The following CDC45 variants were observed in gnomAD, a reference collection of about 807,000 sequenced individuals.
The protein encoded by CDC45 is cell division cycle 45.
A neutral mutation model predicts 77.8 loss-of-function variants in CDC45; 54 were observed. The observed-to-expected ratio is 0.69, with a 90% CI of 0.56 to 0.87. The LOEUF (loss-of-function observed/expected upper bound fraction) is 0.87. Among genes scored for constraint, CDC45 ranks in the 40% least tolerant of loss-of-function variants. The pLI is 0.00. For missense variants in CDC45, 649 were observed against 721.6 expected (o/e 0.90, Z 1.15); for synonymous variants, 260 against 272.1 (o/e 0.96, Z 0.44).
chr22:19,497,286 GT>G, intron 7 of CDC45, 99 bp from the exon 8 acceptor site: 1 of 1,061,316 alleles, frequency 9.4e-7, no homozygotes. Flanking sequence ...ATCCGCAGGG[GT>G]TTGCCAGGGC....
chr22:19,494,018 C>T (rs901962642), intron 5 of CDC45, among the ~76,000 whole-genome samples: 1 of 152,162 alleles, frequency 6.6e-6, no homozygotes, highest in Non-Finnish European at 1.5e-5. Flanking sequence ...ACCTTGGATC[C>T]CATAGTGCTG....
At chr22:19,496,453 C>G (rs2146373861) in intron 7 of CDC45, among the ~76,000 whole-genome samples, 1 of 152,302 alleles carries the variant, frequency 6.6e-6, no homozygotes. Context: ...GAGCAGAGCT[C>G]AAGGCCTTAA....
chr22:19,515,074 G>C, intron 15 of CDC45, 26 bp downstream of exon 15: 1 of 1,568,712 alleles, frequency 6.4e-7, no homozygotes, highest in Non-Finnish European at 8.7e-7. Context: ...GGTGCTGTGG[G>C]TACAGGAGGG....
At chr22:19,511,569 G>A (rs1232753718) in intron 13 of CDC45, among the ~76,000 whole-genome samples, 1 of 151,998 alleles carries the variant, frequency 6.6e-6, no homozygotes, top group East Asian at 1.9e-4. Context: ...GGCTCAAGCA[G>A]TCTTCCAGCC....
chr22:19,484,699 C>T lies in CDC45; in HGVS notation c.486+694C>T, dbSNP rs553766804. On this transcript the variant is annotated intron_variant, in intron 5 of 18. Transcript: ENST00000263201. ...CCTTCATCCTCAGCCTGACATTTCC[C>T]GGTAATGTGCTTTTGGGAAGCCTTT... 1.4e-4 allele frequency among the ~76,000 whole-genome samples: 21 copies of T among 152,258 alleles called. No homozygotes were observed. In the South Asian group the frequency reaches 3.3e-3, roughly 24 times the overall value.
chr22:19,497,470 G>C, intron 8 of CDC45, 23 bp downstream of exon 8: 1 of 1,607,818 alleles, frequency 6.2e-7, no homozygotes, highest in African/African-American at 1.3e-5. Flanking sequence ...TGCGGCAGCT[G>C]TGTGGGAGTA....
chr22:19,490,866 C>T (rs2090143957), intron 5 of CDC45, among the ~76,000 whole-genome samples: 1 of 146,460 alleles, frequency 6.8e-6, no homozygotes, highest in Admixed American at 6.9e-5. Flanking sequence ...CTCACTCTGT[C>T]ACCTAGGCTG....
chr22:19,508,109 G>T (rs1026562911), intron 12 of CDC45, among the ~76,000 whole-genome samples: 1 of 152,022 alleles, frequency 6.6e-6, no homozygotes, highest in African/African-American at 2.4e-5. Flanking sequence ...TAGGATCCTA[G>T]GATCCTTGGA....
rs758094694 is a variant in CDC45 at position 19,483,963 on chromosome 22, T to G, written c.444T>G (p.Ser148Arg). Residue 148 changes from serine (S) to arginine (R), a missense_variant, in exon 5 of 19, where the codon AGT becomes AGG. Physicochemically the swap from Ser to Arg is moderately radical, Grantham distance 110. Transcript: ENST00000263201. ...EEDEEHSGNDSDGSEPSEKRT... is the reference protein window; with the variant it reads ...EEDEEHSGNDRDGSEPSEKRT... ...ATGAAGAGCATTCAGGAAATGACAG[T>G]GATGGGTCAGAGCCTTCTGAGAAGC... 1 of 1,613,558 alleles carries G rather than the reference T, an allele frequency of 6.2e-7. No individual in the cohort carries two copies. The highest frequency in any genetic ancestry group is 1.3e-5 in the African/African-American group (1 of 74,850).
rs368447499 is a variant in CDC45 at position 19,505,401 on chromosome 22, C to T, written c.744C>T (p.His248=). ...CTGATGTTGGTGTCCTGCAGCGCCACGTTTCCCGCCACAACCACCGGAACG... is the reference window on the plus strand; with the variant it reads ...CTGATGTTGGTGTCCTGCAGCGCCATGTTTCCCGCCACAACCACCGGAACG... ...YVTDVGVLQR[H]VSRHNHRNED... The change falls in exon 10 of 19, where the codon CAC becomes CAT. Residue 248 remains histidine, a synonymous_variant. Transcript: ENST00000263201. 9 of 1,613,844 alleles carry T rather than the reference C, an allele frequency of 5.6e-6. No homozygotes were observed. Among genetic ancestry groups the T allele is most frequent in the Middle Eastern group, 3.3e-4 (2 of 6,044 alleles).
intron 4 of CDC45, 62 bp downstream of exon 4, chr22:19,482,889 C>T (rs1237148509): frequency 1.1e-5 from 17 of 1,501,962 alleles, no homozygotes; most frequent in Non-Finnish European, 1.6e-5. Flanking sequence ...AATGTCTCAC[C>T]TGGTGTTCTT....
At chr22:19,481,096 T>C in intron 3 of CDC45, 51 bp downstream of exon 3, 1 of 1,132,394 alleles carries the variant, frequency 8.8e-7, no homozygotes, top group East Asian at 2.3e-5. Context: ...AATTGTAATT[T>C]CTTGACACAG....
chr22:19,504,410 C>T (rs1327643262), intron 9 of CDC45, among the ~76,000 whole-genome samples: 3 of 152,220 alleles, frequency 2.0e-5, no homozygotes, highest in Non-Finnish European at 4.4e-5. Flanking sequence ...AGTGATTCTC[C>T]TGCCTCACCC....
intron 10 of CDC45, 48 bp downstream of exon 10, chr22:19,505,529 G>A (rs769757964): frequency 3.1e-6 from 5 of 1,605,858 alleles, no homozygotes; most frequent in Non-Finnish European, 4.3e-6. Flanking sequence ...CCCCTGCTCA[G>A]CAGGCCTTGT....
intron 15 of CDC45, among the ~76,000 whole-genome samples, chr22:19,516,281 C>T (rs1181712171): frequency 1.3e-5 from 2 of 152,138 alleles, no homozygotes; most frequent in South Asian, 2.1e-4. Flanking sequence ...GACACAGCAT[C>T]ACAGCCACAG....
At chr22:19,497,228 C>T (rs2090258053) in intron 7 of CDC45, among the ~76,000 whole-genome samples, 158 bp from the exon 8 acceptor site, 1 of 152,250 alleles carries the variant, frequency 6.6e-6, no homozygotes, top group Non-Finnish European at 1.5e-5. Context: ...ACTCATCCCA[C>T]ATGTCGGGCT....
chr22:19,516,868 G>A lies in CDC45; in HGVS notation c.1611G>A (p.Met537Ile). ...CAGCGGAAAGCACCAGCTCCCGGAT[G>A]CTGCACAACCATTTTGACCTCTCAG... ...EKAAESTSSR[M>I]LHNHFDLSVI... is the part of the protein sequence containing the mutation. The change falls in exon 17 of 19, where the codon ATG becomes ATA. Residue 537 changes from methionine (M) to isoleucine (I), a missense_variant. Transcript: ENST00000263201. The A allele has an allele frequency of 6.2e-7, 1 of 1,614,084 alleles. No individual in the cohort carries two copies. The highest frequency in any genetic ancestry group is 2.2e-5 in the East Asian group (1 of 44,882).
intron 5 of CDC45, among the ~76,000 whole-genome samples, chr22:19,493,658 G>A (rs1298588186): frequency 2.6e-5 from 4 of 152,146 alleles, no homozygotes; most frequent in Non-Finnish European, 4.4e-5. Flanking sequence ...TGGCCAGGCT[G>A]GTCTTTAACT....
chr22:19,509,663 G>T (rs550704892), intron 13 of CDC45, among the ~76,000 whole-genome samples: 1 of 152,180 alleles, frequency 6.6e-6, no homozygotes, highest in Non-Finnish European at 1.5e-5. Context: ...TTCTAATAGT[G>T]ACTTTGAGGG....
Sources: allele counts gnomAD v4.1 joint callset (sites outside exome capture counted in the v4.1 genomes callset), GRCh38; gene constraint gnomAD v4.1.1; transcripts MANE v1.5; gene names NCBI Gene and HGNC (gene_info 2026-07-23, HGNC 2026-07-21).